The following DACH2 variants were observed in gnomAD, a reference collection of about 807,000 sequenced individuals.
The protein encoded by DACH2 is dachshund homolog 2.
A neutral mutation model predicts 35.8 loss-of-function variants in DACH2; 17 were observed. The ratio of observed to expected loss-of-function variants is 0.48; its 90% CI spans 0.33 to 0.71. The LOEUF (loss-of-function observed/expected upper bound fraction) is 0.71, where lower values mean the gene tolerates loss of function less well. Among genes scored for constraint, DACH2 ranks in the 30% least tolerant of loss-of-function variants. DACH2 has a pLI of 0.02. For synonymous variants in DACH2, 195 were observed against 177.3 expected, an observed-to-expected ratio of 1.10 and a Z score of -0.79; for missense variants, 469 against 472.7, an observed-to-expected ratio of 0.99 and a Z score of 0.07.
chrX:86,754,515 A>T lies in DACH2; in HGVS notation c.1240+14633A>T, dbSNP rs759918848. Among the ~76,000 whole-genome samples, 4 of 111,036 alleles carry T rather than the reference A, an allele frequency of 3.6e-5. No homozygotes were observed. The South Asian group carries it at 1.5e-3, about 42-fold the overall frequency. On this transcript the variant is annotated intron_variant, in intron 7 of 11. Coordinates refer to ENST00000373125, the MANE Select transcript of DACH2 (RefSeq NM_053281.3). Reference sequence around the variant, plus strand: ...ACTCTGCTATCTAGCGTTTGAATTAATTTTTTCTATCTAAATATATGGTTG... The same window carrying T: ...ACTCTGCTATCTAGCGTTTGAATTATTTTTTTCTATCTAAATATATGGTTG...
rs544201134 is a variant in DACH2 at position 86,636,930 on chromosome X, G to T, written c.641-14106G>T. Reference sequence around the variant, plus strand: ...CAACAGAGTAAACACATAACCTACAGAATGGGAGAAAATTTTTTCAAAGTA... The same window carrying T: ...CAACAGAGTAAACACATAACCTACATAATGGGAGAAAATTTTTTCAAAGTA... On this transcript the variant is annotated intron_variant, in intron 3 of 11. Transcript: ENST00000373125. 3.0e-5 allele frequency among the ~76,000 whole-genome samples: 3 copies of T among 101,176 alleles called. No individual in the cohort carries two copies. In the Admixed American group the frequency reaches 3.4e-4, roughly 11 times the overall value. 87.9% of individuals were successfully genotyped at this position (101,176 alleles called of 115,157 possible).
chrX:86,753,830 G>A lies in DACH2; in HGVS notation c.1240+13948G>A, dbSNP rs371330382. Reference sequence around the variant, plus strand: ...ACCTGAAGGTCCTGTCTATATTAATGGGAGTCTCAAATTCAGCATCCACAC... The same window carrying A: ...ACCTGAAGGTCCTGTCTATATTAATAGGAGTCTCAAATTCAGCATCCACAC... On this transcript the variant is annotated intron_variant, in intron 7 of 11. Transcript: ENST00000373125. 1.2e-4 allele frequency among the ~76,000 whole-genome samples: 13 copies of A among 110,359 alleles called. No individual in the cohort carries two copies. The East Asian group carries it at 3.1e-3, about 27-fold the overall frequency.
intron 1 of DACH2, among the ~76,000 whole-genome samples, chrX:86,192,406 G>A (rs777680024): frequency 1.3e-4 from 14 of 111,928 alleles, no homozygotes; most frequent in Admixed American, 3.8e-4. Flanking sequence ...ATTAAATCAT[G>A]CAAATAGCTG....
chrX:86,328,946 G>A (rs1286285702), intron 1 of DACH2, among the ~76,000 whole-genome samples: 4 of 111,463 alleles, frequency 3.6e-5, no homozygotes, highest in Non-Finnish European at 7.5e-5. Context: ...CTTTGCCCTG[G>A]AGAAGAGCTG....
chrX:86,196,714 A>G (rs2031998446), intron 1 of DACH2, among the ~76,000 whole-genome samples: 2 of 107,127 alleles, frequency 1.9e-5, no homozygotes, highest in Admixed American at 2.0e-4. Flanking sequence ...AAAAAAAAAA[A>G]AAAAAGAAAA....
chrX:86,487,852 T>C (rs1233580501), intron 2 of DACH2, among the ~76,000 whole-genome samples: 1 of 111,965 alleles, frequency 8.9e-6, no homozygotes, highest in Non-Finnish European at 1.9e-5. Context: ...TATCTTCAAA[T>C]TATAACCACT....
At chrX:86,802,226 G>A (rs1037723251) in intron 7 of DACH2, among the ~76,000 whole-genome samples, 3 of 110,895 alleles carry the variant, frequency 2.7e-5, no homozygotes, top group African/African-American at 6.6e-5. Flanking sequence ...TTAGAAATTC[G>A]AATTGCCAGG....
At chrX:86,358,151 T>C (rs1260896384) in intron 1 of DACH2, among the ~76,000 whole-genome samples, 2 of 111,588 alleles carry the variant, frequency 1.8e-5, no homozygotes, top group Admixed American at 9.6e-5. Context: ...TTGAGCAAGC[T>C]CAAGAGTAGT....
chrX:86,446,443 C>G (rs1276995727), intron 2 of DACH2, among the ~76,000 whole-genome samples: 1 of 59,019 alleles, frequency 1.7e-5, no homozygotes, highest in African/African-American at 6.7e-5. Flanking sequence ...ATCCCTCCCC[C>G]CTCCCCCGAC....
At chrX:86,320,447 G>A (rs1414003110) in intron 1 of DACH2, among the ~76,000 whole-genome samples, 1 of 112,083 alleles carries the variant, frequency 8.9e-6, no homozygotes, top group African/African-American at 3.2e-5. Flanking sequence ...TTCTCTGGGA[G>A]AAAGTGGCTG....
At chrX:86,362,821 C>T (rs990227891) in intron 1 of DACH2, among the ~76,000 whole-genome samples, 13 of 110,842 alleles carry the variant, frequency 1.2e-4, no homozygotes, top group South Asian at 3.8e-4. Context: ...GGTGATTTTT[C>T]GGTACCGGTA....
intron 3 of DACH2, among the ~76,000 whole-genome samples, chrX:86,525,886 C>T (rs2038624727): frequency 8.9e-6 from 1 of 111,885 alleles, no homozygotes; most frequent in African/African-American, 3.2e-5. Context: ...GCCCATCCTT[C>T]AACCACATTT....
rs781224954 is a variant in DACH2 at position 86,761,291 on chromosome X, G to A, written c.1240+21409G>A. ...TTCCCACTTATGAGTGAGAACATGCGGTGTTTGGTTTTCTGTTCCTGGGTT... is the reference window on the plus strand; with the variant it reads ...TTCCCACTTATGAGTGAGAACATGCAGTGTTTGGTTTTCTGTTCCTGGGTT... On this transcript the variant is annotated intron_variant, in intron 7 of 11. Coordinates refer to ENST00000373125, the MANE Select transcript of DACH2 (RefSeq NM_053281.3). 1.5e-4 allele frequency among the ~76,000 whole-genome samples: 17 copies of A among 111,258 alleles called. No individual in the cohort carries two copies. In the South Asian group the frequency reaches 3.8e-3, roughly 25 times the overall value.
chrX:86,454,750 C>T (rs1174406802), intron 2 of DACH2, among the ~76,000 whole-genome samples: 1 of 111,684 alleles, frequency 9.0e-6, no homozygotes, highest in African/African-American at 3.3e-5. Context: ...TGTTATTATC[C>T]ACCTTCTAAA....
intron 2 of DACH2, among the ~76,000 whole-genome samples, chrX:86,410,114 C>T (rs1384970153): frequency 8.9e-6 from 1 of 112,225 alleles, no homozygotes; most frequent in East Asian, 2.8e-4. Flanking sequence ...TTGTTATTGT[C>T]ACTTCATTAA....
chrX:86,633,069 A>AAAAC (rs1001020706), intron 3 of DACH2, among the ~76,000 whole-genome samples: 7 of 109,396 alleles, frequency 6.4e-5, no homozygotes, highest in South Asian at 3.8e-4. Context: ...AAAGCTAGCC[A>AAAAC]AAACAAACAA....
intron 1 of DACH2, among the ~76,000 whole-genome samples, chrX:86,178,066 T>G (rs761505620): frequency 7.1e-5 from 8 of 112,037 alleles, no homozygotes; most frequent in Non-Finnish European, 1.5e-4. Flanking sequence ...ATGAATATTT[T>G]ATCAAGGAAG....
intron 1 of DACH2, among the ~76,000 whole-genome samples, chrX:86,207,939 T>C (rs963258186): frequency 1.8e-5 from 2 of 111,518 alleles, no homozygotes; most frequent in African/African-American, 3.2e-5. Context: ...TATTTTATTC[T>C]ACTTTAGTTT....
chrX:86,736,198 C>G (rs1275309290), intron 6 of DACH2, among the ~76,000 whole-genome samples: 1 of 111,081 alleles, frequency 9.0e-6, no homozygotes, highest in East Asian at 2.8e-4. Context: ...CAATGTACGA[C>G]ACTGCATTCA....
Sources: gnomAD v4.1 joint callset for allele counts (sites outside exome capture counted in the v4.1 genomes callset) on GRCh38, gnomAD v4.1.1 for gene constraint, MANE v1.5 for transcripts, NCBI Gene and HGNC (gene_info 2026-07-23, HGNC 2026-07-21) for gene names.